TMEM45A: variants seen among roughly 807,000 people sequenced by gnomAD.
The protein encoded by TMEM45A is transmembrane protein 45A, also known as DNA polymerase-transactivated protein 4.
In TMEM45A, 25 loss-of-function variants were observed where a neutral mutation model predicts 32.0. The ratio of observed to expected loss-of-function variants is 0.78; its 90% CI spans 0.57 to 1.09. TMEM45A has a LOEUF of 1.09. Among genes scored for constraint, TMEM45A ranks in the 50% least tolerant of loss-of-function variants. The pLI is 0.00. For missense variants in TMEM45A, 302 were observed against 325.0 expected (o/e 0.93, Z 0.54); for synonymous variants, 122 against 114.8 (o/e 1.06, Z -0.40).
At chr3:100,556,489 CA>C (rs1463365731) in intron 2 of TMEM45A, among the ~76,000 whole-genome samples, 2 of 152,206 alleles carry the variant, frequency 1.3e-5, no homozygotes, top group Non-Finnish European at 2.9e-5. Flanking sequence ...TTGGAATAGG[CA>C]GTGGAACTAA....
At position 100,577,049 on chromosome 3, in the gene TMEM45A, A is replaced by C. The variant is rs192342861; in HGVS notation, c.*31A>C. On this transcript the variant is annotated 3_prime_UTR_variant, in exon 6 of 6. Transcript: ENST00000323523. ...ATGAGCTTCCAGTTTTTCTAGATAAACCTTTTCTTTTTTACATTGTTCTTG... is the reference window on the plus strand; with the variant it reads ...ATGAGCTTCCAGTTTTTCTAGATAACCCTTTTCTTTTTTACATTGTTCTTG... 245 of 1,557,462 alleles carry C rather than the reference A, an allele frequency of 1.6e-4. No homozygotes were observed. The African/African-American group carries it at 2.3e-3, about 15-fold the overall frequency.
intron 1 of TMEM45A, among the ~76,000 whole-genome samples, chr3:100,513,802 A>G (rs1708210463): frequency 6.6e-6 from 1 of 152,218 alleles, no homozygotes; most frequent in African/African-American, 2.4e-5. Context: ...ATCAATGTGC[A>G]AAAATCACAA....
chr3:100,560,804 A>G (rs1302089723), intron 4 of TMEM45A, among the ~76,000 whole-genome samples: 1 of 152,256 alleles, frequency 6.6e-6, no homozygotes, highest in Non-Finnish European at 1.5e-5. Flanking sequence ...AATGAAATTA[A>G]TTAGTGTTCA....
At chr3:100,573,662 G>T (rs1304633701) in intron 5 of TMEM45A, 3 of 152,094 alleles carry the variant, frequency 2.0e-5, no homozygotes, top group African/African-American at 7.2e-5. Flanking sequence ...GTGAGAGAGG[G>T]CATCCCTGTC....
intron 1 of TMEM45A, among the ~76,000 whole-genome samples, chr3:100,536,478 G>A (rs948479545): frequency 1.3e-5 from 2 of 152,160 alleles, no homozygotes; most frequent in East Asian, 1.9e-4. Context: ...CCTTGTCTAT[G>A]TCCTGTCCGC....
chr3:100,568,503 A>G (rs1385093048), intron 4 of TMEM45A, among the ~76,000 whole-genome samples: 1 of 152,220 alleles, frequency 6.6e-6, no homozygotes, highest in African/African-American at 2.4e-5. Context: ...TTGTACTCCA[A>G]TTTTGAAATA....
chr3:100,495,305 T>C (rs1707908052), intron 1 of TMEM45A, among the ~76,000 whole-genome samples: 1 of 152,116 alleles, frequency 6.6e-6, no homozygotes, highest in South Asian at 2.1e-4. Flanking sequence ...GGAATGGGTT[T>C]TGTCAAACAG....
intron 1 of TMEM45A, among the ~76,000 whole-genome samples, chr3:100,504,344 C>G (rs1708052156): frequency 1.3e-5 from 2 of 152,086 alleles, no homozygotes; most frequent in South Asian, 4.2e-4. Context: ...AGTTCCTGTC[C>G]TTGTAGATGG....
intron 1 of TMEM45A, among the ~76,000 whole-genome samples, chr3:100,550,760 T>C (rs1254331909): frequency 2.6e-5 from 4 of 152,200 alleles, no homozygotes; most frequent in Admixed American, 1.3e-4. Flanking sequence ...TCTTAAGGGA[T>C]AGAGTTTTAA....
At chr3:100,553,836 G>A (rs2148979858) in intron 1 of TMEM45A, among the ~76,000 whole-genome samples, 1 of 152,246 alleles carries the variant, frequency 6.6e-6, no homozygotes, top group East Asian at 1.9e-4. Context: ...ACGATTCAAT[G>A]GTGTCCTGAA....
Position 100,519,592 on chromosome 3 carries a change from G to C in TMEM45A, c.-4+26664G>C, listed in dbSNP as rs545581155. ...ACCAATGACTCAGAAGGGAAAATGG[G>C]ATTTAAACACCCAAAGGTTAGTTTG... On this transcript the variant is annotated intron_variant, in intron 1 of 5. Transcript: ENST00000323523. The C allele has an allele frequency of 2.2e-4, 335 of 1,551,010 alleles. 2 individuals carry two copies. In the African/African-American group the frequency reaches 4.1e-3, roughly 19 times the overall value.
At chr3:100,572,132 A>G (rs1393230446) in intron 5 of TMEM45A, 3 of 152,098 alleles carry the variant, frequency 2.0e-5, no homozygotes, top group Admixed American at 6.5e-5. Context: ...GGATGGCTGG[A>G]TCAAATGGTA....
At chr3:100,548,072 C>A (rs1190842854) in intron 1 of TMEM45A, among the ~76,000 whole-genome samples, 1 of 152,104 alleles carries the variant, frequency 6.6e-6, no homozygotes, top group South Asian at 2.1e-4. Flanking sequence ...GGCAGAGGTA[C>A]AGGAGAGATC....
chr3:100,496,247 T>C (rs1479955885), intron 1 of TMEM45A, among the ~76,000 whole-genome samples: 1 of 152,222 alleles, frequency 6.6e-6, no homozygotes, highest in Non-Finnish European at 1.5e-5. Flanking sequence ...TATTCACAGA[T>C]GCCTATTTGA....
At chr3:100,572,499 A>T (rs2148997633) in intron 5 of TMEM45A, 1 of 151,210 alleles carries the variant, frequency 6.6e-6, no homozygotes, top group East Asian at 1.9e-4. Flanking sequence ...TCTGGATACT[A>T]GCCCTTTGTC....
chr3:100,519,351 T>C (rs888580474), intron 1 of TMEM45A: 4 of 572,480 alleles, frequency 7.0e-6, no homozygotes, highest in Non-Finnish European at 1.2e-5. Flanking sequence ...TACTAGTTGC[T>C]TTTGACATGC....
rs554121484 is a variant in TMEM45A, at chr3:100,494,994, C to T, written c.-4+2066C>T. On this transcript the variant is annotated intron_variant, in intron 1 of 5. Coordinates refer to ENST00000323523, the MANE Select transcript of TMEM45A (RefSeq NM_018004.3). ...CATTGAACACTTGGAATAGTTCTGG[C>T]CTGTAGTCCCATAGCATGTCTTTGC... Among the ~76,000 whole-genome samples the T allele has an allele frequency of 1.1e-4, 17 of 152,290 alleles. No homozygotes were observed. In the East Asian group the frequency reaches 3.3e-3, roughly 29 times the overall value.
At chr3:100,524,534 A>T (rs1384019826) in intron 1 of TMEM45A, among the ~76,000 whole-genome samples, 1 of 152,140 alleles carries the variant, frequency 6.6e-6, no homozygotes. Context: ...TACATTGTCC[A>T]ATATGGTAGC....
At chr3:100,549,823 G>A (rs1706055790) in intron 1 of TMEM45A, among the ~76,000 whole-genome samples, 2 of 151,774 alleles carry the variant, frequency 1.3e-5, no homozygotes, top group South Asian at 4.2e-4. Flanking sequence ...GCGGTGTTTG[G>A]TTTTTTGTTC....
Sources: gnomAD v4.1 joint callset for allele counts (sites outside exome capture counted in the v4.1 genomes callset) on GRCh38, gnomAD v4.1.1 for gene constraint, MANE v1.5 for transcripts, NCBI Gene and HGNC (gene_info 2026-07-23, HGNC 2026-07-21) for gene names.